Variants in RPRD2 observed in about 807,000 individuals in gnomAD.
RPRD2 encodes the protein regulation of nuclear pre-mRNA domain containing 2.
Under a neutral mutation model 104.4 loss-of-function variants are expected in RPRD2, and 12 were observed. That is an observed-to-expected ratio of 0.11 (90% CI 0.07 to 0.19). RPRD2 has a LOEUF of 0.19. Ranked by LOEUF, RPRD2 falls within the 10% of genes least tolerant of loss-of-function variation. The pLI is 1.00. For missense variants in RPRD2, 1,543 were observed against 1,790.1 expected, an observed-to-expected ratio of 0.86 and a Z score of 2.49; for synonymous variants, 714 against 684.9, an observed-to-expected ratio of 1.04 and a Z score of -0.66.
chr1:150,444,426 G>A, intron 6 of RPRD2, 49 bp downstream of exon 6: 1 of 1,583,786 alleles, frequency 6.3e-7, no homozygotes, highest in South Asian at 1.1e-5. Context: ...TTCCATATGT[G>A]TCATTTTTCC....
chr1:150,459,726 G>A (rs1667792725), intron 8 of RPRD2, among the ~76,000 whole-genome samples: 3 of 151,728 alleles, frequency 2.0e-5, no homozygotes, highest in African/African-American at 7.3e-5. Flanking sequence ...TGTAGTAGCT[G>A]GGATTATAGA....
At chr1:150,452,799 T>C (rs1182854839) in intron 7 of RPRD2, among the ~76,000 whole-genome samples, 1 of 150,418 alleles carries the variant, frequency 6.6e-6, no homozygotes, top group Admixed American at 6.7e-5. Context: ...GCCTCCCAAG[T>C]AGCTGGGATT....
At chr1:150,449,839 T>C (rs1382985750) in intron 7 of RPRD2, among the ~76,000 whole-genome samples, 1 of 152,172 alleles carries the variant, frequency 6.6e-6, no homozygotes, top group Non-Finnish European at 1.5e-5. Context: ...TTGATCTCAA[T>C]TATTGTTACT....
chr1:150,407,742 T>A (rs1225667414), intron 1 of RPRD2, among the ~76,000 whole-genome samples: 2 of 152,184 alleles, frequency 1.3e-5, no homozygotes, highest in East Asian at 3.8e-4. Flanking sequence ...AAAGAGAAGA[T>A]GTAGATTCTT....
chr1:150,459,947 C>A, intron 8 of RPRD2, 113 bp from the exon 9 acceptor site: 40 of 862,486 alleles, frequency 4.6e-5, no homozygotes, highest in East Asian at 1.9e-4. Flanking sequence ...GTTGTTTTCT[C>A]TAAAGTAGTG....
At chr1:150,416,881 A>AAC (rs782585370) in intron 1 of RPRD2, among the ~76,000 whole-genome samples, 24 of 144,768 alleles carry the variant, frequency 1.7e-4, no homozygotes, top group Middle Eastern at 3.5e-3. Flanking sequence ...CCAAAAAAAA[A>AAC]AAAAAAAAAA....
chr1:150,379,360 G>GT (rs1660961050), intron 1 of RPRD2, among the ~76,000 whole-genome samples: 2 of 152,024 alleles, frequency 1.3e-5, no homozygotes, highest in South Asian at 4.1e-4. Context: ...GTTAATGGAT[G>GT]TTTTTAAATT....
chr1:150,404,258 G>GT (rs1197722670), intron 1 of RPRD2, among the ~76,000 whole-genome samples: 2 of 151,880 alleles, frequency 1.3e-5, no homozygotes, highest in Non-Finnish European at 2.9e-5. Context: ...TTTTGTTTTT[G>GT]TTTTTTGAGA....
Position 150,457,457 on chromosome 1 carries a change from A to C in RPRD2, c.1040A>C (p.Gln347Pro), listed in dbSNP as rs1205484981. Residue 347 changes from glutamine to proline, a missense_variant, in exon 8 of 11, where the codon CAG (glutamine) becomes CCG (proline). Around this residue, in one of 4 missense-constraint regions of RPRD2, gnomAD observed 572 missense variants for 787.3 expected, o/e 0.73. Transcript: ENST00000369068. ...PFQGMGGEES[Q>P]SPTMESEKSA... The stretch of plus-strand genomic sequence containing the variant: ...CAGGGAATGGGAGGTGAGGAATCCC[A>C]GTCACCAACCATGGAGAGTGAGAAA... The C allele has an allele frequency of 1.9e-6, 3 of 1,613,894 alleles. No individual in the cohort carries two copies. In the East Asian group the frequency reaches 6.7e-5, roughly 36 times the overall value.
intron 7 of RPRD2, among the ~76,000 whole-genome samples, chr1:150,448,958 T>C (rs1193448683): frequency 6.6e-6 from 1 of 152,202 alleles, no homozygotes; most frequent in African/African-American, 2.4e-5. Context: ...AAATTTTGTC[T>C]GACCTTATAT....
chr1:150,418,679 T>C (rs1664544487), intron 2 of RPRD2, among the ~76,000 whole-genome samples: 1 of 152,184 alleles, frequency 6.6e-6, no homozygotes. Flanking sequence ...ACCATATCAA[T>C]AATTTTATTT....
At chr1:150,453,013 C>G (rs1016316568) in intron 7 of RPRD2, among the ~76,000 whole-genome samples, 1 of 147,908 alleles carries the variant, frequency 6.8e-6, no homozygotes, top group Non-Finnish European at 1.5e-5. Context: ...AAACCTTGCT[C>G]CCTTGTCTTC....
chr1:150,471,139 G>C lies in RPRD2; in HGVS notation c.2191G>C (p.Gly731Arg). The change falls in exon 11 of 11, where the codon GGG (glycine) becomes CGG (arginine). Residue 731 changes from glycine (G) to arginine (R), a missense_variant. Gly to Arg is a moderately radical substitution (Grantham distance 125, BLOSUM62 -2). Transcript: ENST00000369068. The surrounding 1 kb of genome is among the most constrained non-coding windows in gnomAD (Gnocchi z 5.3). ...AACCCCTGTACGGGATGAACGGAGTGGGACACCCACCCAGGATGAGATGAT... is the reference window on the plus strand; with the variant it reads ...AACCCCTGTACGGGATGAACGGAGTCGGACACCCACCCAGGATGAGATGAT... ...DGTPVRDERS[G>R]TPTQDEMMDK... The C allele has an allele frequency of 6.2e-7, 1 of 1,613,896 alleles. No homozygotes were observed. Among genetic ancestry groups the C allele is most frequent in the Non-Finnish European group, 8.5e-7 (1 of 1,179,868 alleles).
chr1:150,422,300 T>C (rs1435577970), intron 2 of RPRD2, among the ~76,000 whole-genome samples: 1 of 145,308 alleles, frequency 6.9e-6, no homozygotes, highest in African/African-American at 2.5e-5. Context: ...GCCGAGATCA[T>C]GCCACTACAG....
intron 2 of RPRD2, among the ~76,000 whole-genome samples, chr1:150,425,408 C>T (rs1408683900): frequency 6.6e-6 from 1 of 152,106 alleles, no homozygotes; most frequent in Admixed American, 6.5e-5. Flanking sequence ...CTTTGGGAGG[C>T]CGAGGCAGGT....
chr1:150,401,581 A>C (rs1178736248), intron 1 of RPRD2, among the ~76,000 whole-genome samples: 1 of 152,124 alleles, frequency 6.6e-6, no homozygotes, highest in Non-Finnish European at 1.5e-5. Context: ...GGACTCAAGC[A>C]ATCCACCTGC....
intron 7 of RPRD2, among the ~76,000 whole-genome samples, chr1:150,448,327 C>G (rs782763031): frequency 6.6e-6 from 1 of 152,046 alleles, no homozygotes; most frequent in Non-Finnish European, 1.5e-5. Context: ...TGCCATCATG[C>G]CTGGCTAATT....
At chr1:150,457,592 A>T in intron 8 of RPRD2, 22 bp downstream of exon 8, 1 of 1,605,596 alleles carries the variant, frequency 6.2e-7, no homozygotes, top group Admixed American at 1.7e-5. Context: ...TGTGATTAAT[A>T]GACAACTTAT....
intron 1 of RPRD2, among the ~76,000 whole-genome samples, chr1:150,386,155 G>T (rs1661550419): frequency 6.6e-6 from 1 of 152,022 alleles, no homozygotes; most frequent in African/African-American, 2.4e-5. Flanking sequence ...CTTTTTTTGA[G>T]ATGGTGGGGG....
Sources: gnomAD v4.1 joint callset for allele counts (sites outside exome capture counted in the v4.1 genomes callset) on GRCh38, gnomAD v4.1.1 for gene constraint, gnomAD v4.1.1 regional missense constraint, Gnocchi (gnomAD v3.1) non-coding constraint, MANE v1.5 for transcripts, NCBI Gene and HGNC (gene_info 2026-07-23, HGNC 2026-07-21) for gene names.